NXPE2: variants seen among roughly 807,000 people sequenced by gnomAD.
NXPE2 encodes the protein NXPE family member 2.
In NXPE2, 34 loss-of-function variants were observed where a neutral mutation model predicts 34.4. The observed-to-expected ratio is 0.99, with a 90% CI of 0.75 to 1.31. NXPE2 has a LOEUF of 1.31. Ranked by LOEUF, NXPE2 falls within the 40% of genes most tolerant of loss-of-function variation. The pLI is 0.00. For missense variants in NXPE2, 649 were observed against 672.5 expected, an observed-to-expected ratio of 0.97 and a Z score of 0.39; for synonymous variants, 235 against 231.3, an observed-to-expected ratio of 1.02 and a Z score of -0.15.
chr11:114,702,704 C>T (rs575310001), intron 3 of NXPE2, among the ~76,000 whole-genome samples: 85 of 152,202 alleles, frequency 5.6e-4, no homozygotes, highest in African/African-American at 1.9e-3. Context: ...AGAGTCAGAA[C>T]GGGATTCCCA....
At chr11:114,648,086 T>G in the NXPE2 span, among the ~76,000 whole-genome samples, 2 of 152,184 alleles carry the variant, frequency 1.3e-5, no homozygotes, top group African/African-American at 4.8e-5. Context: ...TTGCCCTGGT[T>G]CCTGAGACAG....
chr11:114,637,890 C>T, the NXPE2 span, among the ~76,000 whole-genome samples: 6 of 151,898 alleles, frequency 4.0e-5, no homozygotes, highest in Non-Finnish European at 5.9e-5. Context: ...TCTGGCTGCC[C>T]TTAACATTTT....
chr11:114,785,610 G>T, the NXPE2 span, among the ~76,000 whole-genome samples: 2 of 152,086 alleles, frequency 1.3e-5, no homozygotes, highest in African/African-American at 4.8e-5. Context: ...AGGCCAAAAA[G>T]TGATCCAATG....
At chr11:114,737,739 A>C in the NXPE2 span, among the ~76,000 whole-genome samples, 1 of 152,160 alleles carries the variant, frequency 6.6e-6, no homozygotes, top group Non-Finnish European at 1.5e-5. Context: ...AGAGAAACAA[A>C]ATAGTCAGAA....
the NXPE2 span, among the ~76,000 whole-genome samples, chr11:114,477,759 T>C: frequency 1.5e-4 from 23 of 151,354 alleles, no homozygotes; most frequent in African/African-American, 5.6e-4. Flanking sequence ...CATGAAAATA[T>C]TGGGTAACCC....
At chr11:114,744,000 T>G in the NXPE2 span, among the ~76,000 whole-genome samples, 1 of 152,108 alleles carries the variant, frequency 6.6e-6, no homozygotes, top group Non-Finnish European at 1.5e-5. Flanking sequence ...TGTTTCTCTA[T>G]TCTTTCTTTG....
chr11:114,607,543 TA>T, the NXPE2 span, among the ~76,000 whole-genome samples: 1 of 152,064 alleles, frequency 6.6e-6, no homozygotes, highest in African/African-American at 2.4e-5. Flanking sequence ...ACCCGGTAGA[TA>T]ATAAGTATTG....
At chr11:114,780,254 C>A in the NXPE2 span, among the ~76,000 whole-genome samples, 3 of 152,222 alleles carry the variant, frequency 2.0e-5, no homozygotes, top group Non-Finnish European at 2.9e-5. Context: ...GTTTCCCTTT[C>A]ATGGGTCCAG....
chr11:114,491,358 C>G, the NXPE2 span, among the ~76,000 whole-genome samples: 1 of 151,904 alleles, frequency 6.6e-6, no homozygotes, highest in Admixed American at 6.6e-5. Context: ...AGGATATGAA[C>G]AGACACTTCT....
chr11:114,736,263 T>C, the NXPE2 span, among the ~76,000 whole-genome samples: 2 of 152,184 alleles, frequency 1.3e-5, no homozygotes, highest in Admixed American at 6.5e-5. Context: ...GGGAATTTCC[T>C]TGTCCTAACA....
chr11:114,622,744 A>G, the NXPE2 span, among the ~76,000 whole-genome samples: 1 of 151,108 alleles, frequency 6.6e-6, no homozygotes, highest in African/African-American at 2.4e-5. Context: ...AACCACTGTT[A>G]CCCAGCGGAT....
the NXPE2 span, among the ~76,000 whole-genome samples, chr11:114,725,967 TAAA>T: frequency 9.9e-3 from 766 of 77,040 alleles, 29 homozygotes; most frequent in African/African-American, 0.03. Context: ...TAAAGTATAA[TAAA>T]AAAAAAATAT....
chr11:114,512,611 GA>G, the NXPE2 span: 1 of 152,714 alleles, frequency 6.5e-6, no homozygotes, highest in East Asian at 1.9e-4. Flanking sequence ...TGGCCTTCGG[GA>G]GAACAAGGCT....
the NXPE2 span, among the ~76,000 whole-genome samples, chr11:114,546,046 T>G: frequency 0.23 from 34,602 of 152,090 alleles, 5,559 homozygotes; most frequent in African/African-American, 0.45. Context: ...AGGGACTAAA[T>G]GGTAGAACAC....
chr11:114,591,684 T>C, the NXPE2 span, among the ~76,000 whole-genome samples: 1 of 152,100 alleles, frequency 6.6e-6, no homozygotes, highest in South Asian at 2.1e-4. Flanking sequence ...CTCCAGCCAA[T>C]GGAAAGTCCT....
At chr11:114,627,076 C>G in the NXPE2 span, among the ~76,000 whole-genome samples, 3 of 152,018 alleles carry the variant, frequency 2.0e-5, no homozygotes, top group Non-Finnish European at 4.4e-5. Flanking sequence ...GTGAATGGAA[C>G]CAAGTTGGAA....
chr11:114,734,803 G>C, the NXPE2 span, among the ~76,000 whole-genome samples: 1 of 152,072 alleles, frequency 6.6e-6, no homozygotes, highest in Non-Finnish European at 1.5e-5. Context: ...GAATATACTA[G>C]GGAGATATTA....
the NXPE2 span, among the ~76,000 whole-genome samples, chr11:114,651,958 G>A: frequency 6.6e-6 from 1 of 152,204 alleles, no homozygotes; most frequent in East Asian, 1.9e-4. Flanking sequence ...GGTGCTGTTA[G>A]GTTCACAGTG....
chr11:114,551,015 C>A, the NXPE2 span: 12 of 682,480 alleles, frequency 1.8e-5, no homozygotes, highest in South Asian at 1.7e-5. Context: ...GGAGGAGGGG[C>A]AGGACTAATG....
Sources: gnomAD v4.1 joint callset for allele counts (sites outside exome capture counted in the v4.1 genomes callset) on GRCh38, gnomAD v4.1.1 for gene constraint, MANE v1.5 for transcripts, NCBI Gene and HGNC (gene_info 2026-07-23, HGNC 2026-07-21) for gene names.